ETV1: variants seen among roughly 807,000 people sequenced by gnomAD.
ETV1 encodes the protein ETS variant transcription factor 1.
Under a neutral mutation model 62.3 loss-of-function variants are expected in ETV1, and 27 were observed. That is an observed-to-expected ratio of 0.43 (90% CI 0.32 to 0.60). ETV1 has a LOEUF of 0.60. ETV1 is among the 20% of genes least tolerant of loss of function. The probability of loss-of-function intolerance (pLI) is 0.06; values close to 1 mark genes in which losing one functional copy is unlikely to be tolerated. For missense variants in ETV1, 605 were observed against 605.8 expected, an observed-to-expected ratio of 1.00 and a Z score of 0.01; for synonymous variants, 222 against 199.6, an observed-to-expected ratio of 1.11 and a Z score of -0.94.
rs1782848551 is a variant in ETV1, at chr7:13,989,312, CG to C, written c.-133del. 4 of 487,804 alleles carry C rather than the reference CG, an allele frequency of 8.2e-6. No homozygotes were observed. In the Admixed American group the frequency reaches 1.2e-4, roughly 14 times the overall value. The allele number at this position is 487,804 out of a possible 1,614,324, so 30.2% of individuals were successfully genotyped here. On this transcript the variant is annotated 5_prime_UTR_variant, in exon 2 of 14. Coordinates refer to ENST00000430479, the MANE Select transcript of ETV1 (RefSeq NM_004956.5). ...ACAGAGTTCACAATTTACATATTTT[CG>C]GTAGTAGCAAAAATCCGAACAAGAG...
At chr7:13,896,693 A>AGAGAGAGAAAGAAAGAAAG (rs148427333) in intron 13 of ETV1, among the ~76,000 whole-genome samples, 60,239 of 137,738 alleles carry the variant, frequency 0.44, 15,105 homozygotes, top group African/African-American at 0.52. Context: ...GAAAGAAAAG[A>AGAGAGAGAAAGAAAGAAAG]GAGAGAGAAA....
At chr7:13,934,225 G>A (rs1319500654) in intron 8 of ETV1, among the ~76,000 whole-genome samples, 3 of 152,166 alleles carry the variant, frequency 2.0e-5, no homozygotes, top group Admixed American at 6.6e-5. Context: ...GCTACAGGGT[G>A]AGAAGAAAAA....
At chr7:13,901,718 T>C (rs1782454247) in intron 12 of ETV1, among the ~76,000 whole-genome samples, 1 of 152,182 alleles carries the variant, frequency 6.6e-6, no homozygotes, top group South Asian at 2.1e-4. Context: ...CGAATAAAAC[T>C]GTGGGTAATA....
At chr7:13,966,528 T>C (rs1232726413) in intron 6 of ETV1, among the ~76,000 whole-genome samples, 2 of 151,966 alleles carry the variant, frequency 1.3e-5, no homozygotes, top group East Asian at 1.9e-4. Context: ...CAGGCTGAGA[T>C]GGGAGAGTCA....
intron 9 of ETV1, among the ~76,000 whole-genome samples, chr7:13,915,918 A>G (rs920461947): frequency 3.3e-5 from 5 of 152,224 alleles, no homozygotes; most frequent in African/African-American, 1.2e-4. Flanking sequence ...AGGAAGCTCA[A>G]TGTGAATATA....
intron 9 of ETV1, among the ~76,000 whole-genome samples, chr7:13,920,325 G>A (rs1405180748): frequency 1.3e-5 from 2 of 152,150 alleles, no homozygotes; most frequent in East Asian, 3.9e-4. Context: ...CAGGTTACTT[G>A]CAAGCAGGAC....
intron 10 of ETV1, 24 bp downstream of exon 10, chr7:13,911,215 G>A: frequency 1.3e-5 from 21 of 1,563,424 alleles, no homozygotes; most frequent in Non-Finnish European, 1.9e-5. Flanking sequence ...TATTTACACG[G>A]AATTTCAGTG....
chr7:13,958,822 A>C (rs1789805866), intron 6 of ETV1: 1 of 152,216 alleles, frequency 6.6e-6, no homozygotes, highest in Non-Finnish European at 1.5e-5. Context: ...TGGCTGCATT[A>C]AGATATTTAT....
chr7:13,975,532 G>A lies in ETV1; in HGVS notation c.235+1895C>T, dbSNP rs577111573. Among the ~76,000 whole-genome samples, 5 of 137,968 alleles carry A rather than the reference G, an allele frequency of 3.6e-5. No individual in the cohort carries two copies. In the East Asian group the frequency reaches 1.1e-3, roughly 30 times the overall value. 90.5% of individuals were successfully genotyped at this position (137,968 alleles called of 152,430 possible). ...GAGCCAAGATTGCACCACTGCACTA[G>A]AGCCTGGGCAACAGGGTGAGACTCT... is the stretch of plus-strand genomic sequence containing the variant. On this transcript the variant is annotated intron_variant, in intron 6 of 13. Transcript: ENST00000430479.
intron 12 of ETV1, 26 bp from the exon 13 acceptor site, chr7:13,900,865 A>G (rs1782340197): frequency 2.1e-6 from 3 of 1,442,500 alleles, no homozygotes; most frequent in South Asian, 1.2e-5. Flanking sequence ...ATTACATTGT[A>G]GTGTTAAGTA....
rs1781450303 is a variant in ETV1, at chr7:13,892,506, T to TGCTACACAGTCTTC, written c.*3346_*3359dup. ...TCCTGAGTAAATCAATTAGAGTCTT[T>TGCTACACAGTCTTC]GCTACACAGTCTTCCTCCTCCGTGC... On this transcript the variant is annotated 3_prime_UTR_variant, in exon 14 of 14. Transcript: ENST00000430479. 1 of 232,916 alleles carries TGCTACACAGTCTTC rather than the reference T, an allele frequency of 4.3e-6. No individual in the cohort carries two copies. The highest frequency in any genetic ancestry group is 1.8e-4 in the South Asian group (1 of 5,532). 14.4% of individuals were successfully genotyped at this position (232,916 alleles called of 1,614,324 possible).
At chr7:13,913,537 G>T (rs897071986) in intron 9 of ETV1, among the ~76,000 whole-genome samples, 1 of 152,114 alleles carries the variant, frequency 6.6e-6, no homozygotes, top group Non-Finnish European at 1.5e-5. Flanking sequence ...GCAACATTTC[G>T]CACAGTATCT....
intron 4 of ETV1, 66 bp downstream of exon 4, chr7:13,988,020 T>A: frequency 1.1e-6 from 1 of 883,714 alleles, no homozygotes; most frequent in Non-Finnish European, 1.9e-6. Flanking sequence ...GAAGTGCTCC[T>A]TTTCTTTTAG....
At chr7:13,979,333 T>C (rs945572807) in intron 5 of ETV1, among the ~76,000 whole-genome samples, 2 of 152,050 alleles carry the variant, frequency 1.3e-5, no homozygotes, top group Admixed American at 6.6e-5. Context: ...AAAAAGTACA[T>C]GTCATTACAA....
intron 5 of ETV1, chr7:13,986,058 AT>A: frequency 9.0e-7 from 1 of 1,107,482 alleles, no homozygotes; most frequent in Non-Finnish European, 1.3e-6. Flanking sequence ...CATTTTTAAA[AT>A]CCTCATATCT....
chr7:13,942,667 C>G (rs1056864186), intron 6 of ETV1, among the ~76,000 whole-genome samples: 1 of 152,086 alleles, frequency 6.6e-6, no homozygotes, highest in East Asian at 1.9e-4. Context: ...CAAGTTTTAG[C>G]ACTTCAGATT....
At chr7:13,982,830 G>A (rs1282313289) in intron 5 of ETV1, among the ~76,000 whole-genome samples, 5 of 151,812 alleles carry the variant, frequency 3.3e-5, no homozygotes, top group Non-Finnish European at 5.9e-5. Flanking sequence ...AAAAAAAGTA[G>A]GATTTCTGAA....
chr7:13,988,612 G>GA, intron 3 of ETV1: 1 of 1,093,296 alleles, frequency 9.1e-7, no homozygotes, highest in Admixed American at 5.2e-5. Context: ...AAAAAAAAGA[G>GA]AAAATGAGAA....
At chr7:13,939,038 A>C in intron 7 of ETV1, 79 bp downstream of exon 7, 1 of 1,389,488 alleles carries the variant, frequency 7.2e-7, no homozygotes, top group Non-Finnish European at 9.9e-7. Context: ...ATAAAATATG[A>C]CTTGAGATTT....
Sources: allele counts gnomAD v4.1 joint callset (sites outside exome capture counted in the v4.1 genomes callset), GRCh38; gene constraint gnomAD v4.1.1; transcripts MANE v1.5; gene names NCBI Gene and HGNC (gene_info 2026-07-23, HGNC 2026-07-21).